TNFRSF1B: variants seen among roughly 807,000 people sequenced by gnomAD.
TNFRSF1B encodes the protein tumor necrosis factor receptor superfamily member 1B.
A neutral mutation model predicts 44.6 loss-of-function variants in TNFRSF1B; 19 were observed. The observed-to-expected ratio is 0.43, with a 90% confidence interval of 0.30 to 0.62. TNFRSF1B has a LOEUF of 0.62. TNFRSF1B is among the 20% of genes least tolerant of loss of function. TNFRSF1B has a pLI of 0.16. For missense variants in TNFRSF1B, 541 were observed against 619.9 expected, an observed-to-expected ratio of 0.87 and a Z score of 1.35; for synonymous variants, 252 against 261.1, an observed-to-expected ratio of 0.97 and a Z score of 0.34.
rs566171397 is a variant in TNFRSF1B, at chr1:12,178,351, C to T, written c.79-10445C>T. ...CCACTGCCGGGCACGGTGCCAAGCA[C>T]GCCACGTATACTGACTTCATGAATC... On this transcript the variant is annotated intron_variant, in intron 1 of 9. Coordinates refer to ENST00000376259, the MANE Select transcript of TNFRSF1B (RefSeq NM_001066.3). This position sits in a 1 kb window ranked among gnomAD's most constrained non-coding sequence, Gnocchi z 4.3. Among the ~76,000 whole-genome samples the T allele has an allele frequency of 5.3e-5, 8 of 152,240 alleles. No homozygotes were observed. The highest frequency in any genetic ancestry group is 1.9e-4 in the East Asian group (1 of 5,188).
chr1:12,170,230 A>G (rs915467348), intron 1 of TNFRSF1B, among the ~76,000 whole-genome samples: 2 of 152,184 alleles, frequency 1.3e-5, no homozygotes, highest in Non-Finnish European at 2.9e-5. Flanking sequence ...GTCCAAGCCC[A>G]GCCCAGTGCC....
At position 12,208,565 on chromosome 1, in the gene TNFRSF1B, C is replaced by G. The variant is rs982177874; in HGVS notation, c.*1545C>G. On this transcript the variant is annotated 3_prime_UTR_variant, in exon 10 of 10. Transcript: ENST00000376259. ...GGCCAGGGCCCTGCAGAGGGGAAACCAGTGTAGCCTTGCCCGGATTCTGGG... is the reference window on the plus strand; with the variant it reads ...GGCCAGGGCCCTGCAGAGGGGAAACGAGTGTAGCCTTGCCCGGATTCTGGG... 5.9e-5 allele frequency: 9 copies of G among 152,368 alleles called. No homozygotes were observed. Among genetic ancestry groups the G allele is most frequent in the African/African-American group, 2.2e-4 (9 of 41,474 alleles). The allele number at this position is 152,368 out of a possible 1,614,324, so 9.4% of individuals were successfully genotyped here.
At chr1:12,174,771 T>C (rs1166799772) in intron 1 of TNFRSF1B, among the ~76,000 whole-genome samples, 1 of 152,206 alleles carries the variant, frequency 6.6e-6, no homozygotes, top group Non-Finnish European at 1.5e-5. Flanking sequence ...CATGTTCTGC[T>C]GGGAAAACAG....
chr1:12,171,367 C>G lies in TNFRSF1B; in HGVS notation c.78+4198C>G, dbSNP rs1042846977. Among the ~76,000 whole-genome samples the G allele has an allele frequency of 9.2e-5, 14 of 152,174 alleles. No individual in the cohort carries two copies. Among genetic ancestry groups the G allele is most frequent in the Non-Finnish European group, 2.1e-4 (14 of 68,020 alleles). ...TGTCCTCAGATGTGCTGCACACACA[C>G]CTGCTCCAGGGCCTTTGCACTTGCT... is the stretch of plus-strand genomic sequence containing the variant. On this transcript the variant is annotated intron_variant, in intron 1 of 9. Coordinates refer to ENST00000376259, the MANE Select transcript of TNFRSF1B (RefSeq NM_001066.3). The surrounding 1 kb of genome is among the most constrained non-coding windows in gnomAD (Gnocchi z 4.5).
At chr1:12,181,354 C>T (rs748329167) in intron 1 of TNFRSF1B, among the ~76,000 whole-genome samples, 1 of 152,148 alleles carries the variant, frequency 6.6e-6, no homozygotes, top group Admixed American at 6.5e-5. Context: ...CTTGCAGCGC[C>T]CCCATGGAGC....
At chr1:12,182,173 T>C (rs1476308935) in intron 1 of TNFRSF1B, among the ~76,000 whole-genome samples, 1 of 152,116 alleles carries the variant, frequency 6.6e-6, no homozygotes, top group Non-Finnish European at 1.5e-5. Context: ...ATCTGTAACT[T>C]GGGAATAACA....
rs5745969 is a variant in TNFRSF1B at position 12,175,374 on chromosome 1, A to G, written c.78+8205A>G. 7.0e-3 allele frequency among the ~76,000 whole-genome samples: 1,064 copies of G among 152,276 alleles called. 2 individuals are homozygous for G. Among genetic ancestry groups the G allele is most frequent in the Middle Eastern group, 0.014 (4 of 294 alleles). On this transcript the variant is annotated intron_variant, in intron 1 of 9. Coordinates refer to ENST00000376259, the MANE Select transcript of TNFRSF1B (RefSeq NM_001066.3). ...GTGAGTGGCTTTGGGCAGGGGGTGGAGTGCAGATTGCACTGCCACGTCACC... is the reference window on the plus strand; with the variant it reads ...GTGAGTGGCTTTGGGCAGGGGGTGGGGTGCAGATTGCACTGCCACGTCACC...
At chr1:12,206,239 G>A (rs1037383795) in intron 9 of TNFRSF1B, among the ~76,000 whole-genome samples, 1 of 152,068 alleles carries the variant, frequency 6.6e-6, no homozygotes, top group Middle Eastern at 3.4e-3. Flanking sequence ...AATTAGCAGG[G>A]TGCGGTGGCC....
chr1:12,200,619 C>T (rs184085130), intron 8 of TNFRSF1B, among the ~76,000 whole-genome samples: 3 of 152,122 alleles, frequency 2.0e-5, no homozygotes, highest in East Asian at 1.9e-4. Context: ...TTCCATGTGC[C>T]GCAAATTATT....
chr1:12,193,909 T>G, intron 6 of TNFRSF1B, 46 bp from the exon 7 acceptor site: 1 of 1,546,490 alleles, frequency 6.5e-7, no homozygotes. Flanking sequence ...CCTGGTACAT[T>G]TGAGTTTGTT....
Position 12,187,944 on chromosome 1 carries a change from TGGGGGAGCGGTGCCCTGCTGGCAGCA to T in TNFRSF1B, c.79-847_79-822del, listed in dbSNP as rs1028422343. 7.2e-5 allele frequency among the ~76,000 whole-genome samples: 11 copies of T among 152,036 alleles called. No individual in the cohort carries two copies. The highest frequency in any genetic ancestry group is 1.6e-4 in the Non-Finnish European group (11 of 67,980). ...ATTATCAGCCAACACCCACAGCAGC[TGGGGGAGCGGTGCCCTGCTGGCAGCA>T]GGGGTCTGAGTGGGGTGCAACAGCA... On this transcript the variant is annotated intron_variant, in intron 1 of 9. Transcript: ENST00000376259. This position sits in a 1 kb window ranked among gnomAD's most constrained non-coding sequence, Gnocchi z 5.5.
rs1395806547 is a variant in TNFRSF1B, at chr1:12,207,221, C to T, written c.*201C>T. On this transcript the variant is annotated 3_prime_UTR_variant, in exon 10 of 10. Transcript: ENST00000376259. The stretch of plus-strand genomic sequence containing the variant: ...GCAGAGGCAGCGAGTTGTGGAAAGC[C>T]TCTGCTGCCATGGCGTGTCCCTCTC... 27 of 504,480 alleles carry T rather than the reference C, an allele frequency of 5.4e-5. No individual in the cohort carries two copies. The allele number at this position is 504,480 out of a possible 1,614,324, so 31.3% of individuals were successfully genotyped here.
In TNFRSF1B at chr1:12,191,612, G is replaced by A. The variant is rs190891173; in HGVS notation, c.308-162G>A. The A allele has an allele frequency of 2.1e-3, 1,681 of 789,810 alleles. 24 individuals are homozygous for A. The African/African-American group carries it at 0.024, about 11-fold the overall frequency. 48.9% of individuals were successfully genotyped at this position (789,810 alleles called of 1,614,324 possible). A position where few individuals can be genotyped will look rare whatever the true frequency, so the allele number is the denominator to read the frequency against. On this transcript the variant is annotated intron_variant, in intron 3 of 9. Transcript: ENST00000376259. ...GACTGCGGAGAGTAGCAGGACTGCC[G>A]GTCCTGCCCCTGGACTCTGGCCGGT... is the stretch of plus-strand genomic sequence containing the variant.
chr1:12,172,312 C>T (rs963457524), intron 1 of TNFRSF1B, among the ~76,000 whole-genome samples: 1 of 152,270 alleles, frequency 6.6e-6, no homozygotes, highest in African/African-American at 2.4e-5. Context: ...AGTCGCTGCT[C>T]TGCTGTTTTA....
rs750715841 is a variant in TNFRSF1B, at chr1:12,178,280, G to A, written c.79-10516G>A. Among the ~76,000 whole-genome samples the A allele has an allele frequency of 1.1e-4, 17 of 152,250 alleles. No homozygotes were observed. The highest frequency in any genetic ancestry group is 2.0e-4 in the Admixed American group (3 of 15,288). ...CAGCTGTGGGCTGTGTGCTGGCTGT[G>A]TGTAGGGTGATGAGTAGCAGAAGCA... On this transcript the variant is annotated intron_variant, in intron 1 of 9. Coordinates refer to ENST00000376259, the MANE Select transcript of TNFRSF1B (RefSeq NM_001066.3). The surrounding 1 kb of genome is among the most constrained non-coding windows in gnomAD (Gnocchi z 4.3).
chr1:12,169,129 C>T lies in TNFRSF1B; in HGVS notation c.78+1960C>T, dbSNP rs1638465545. ...CTCCAGGAAAGCCTTTCCGCATTCT[C>T]AGTTGGATTTGATCTTCTCTTCGAA... On this transcript the variant is annotated intron_variant, in intron 1 of 9. Coordinates refer to ENST00000376259, the MANE Select transcript of TNFRSF1B (RefSeq NM_001066.3). This position sits in a 1 kb window ranked among gnomAD's most constrained non-coding sequence, Gnocchi z 4.5. Among the ~76,000 whole-genome samples, 1 of 152,216 alleles carries T rather than the reference C, an allele frequency of 6.6e-6. No individual in the cohort carries two copies. The highest frequency in any genetic ancestry group is 2.1e-4 in the South Asian group (1 of 4,834).
intron 2 of TNFRSF1B, among the ~76,000 whole-genome samples, chr1:12,190,531 C>T (rs1639090758): frequency 6.6e-6 from 1 of 151,308 alleles, no homozygotes; most frequent in South Asian, 2.1e-4. Context: ...GTTCTCTGTC[C>T]CTGGAATGCC....
At chr1:12,184,972 TGTCTGGGAGGCC>T (rs1557630122) in intron 1 of TNFRSF1B, among the ~76,000 whole-genome samples, 1 of 151,964 alleles carries the variant, frequency 6.6e-6, no homozygotes, top group Non-Finnish European at 1.5e-5. Context: ...GAGGCAGCTG[TGTCTGGGAGGCC>T]GTTCGGTCGG....
At chr1:12,185,558 C>T (rs932739928) in intron 1 of TNFRSF1B, among the ~76,000 whole-genome samples, 8 of 152,230 alleles carry the variant, frequency 5.3e-5, no homozygotes, top group Admixed American at 3.9e-4. Flanking sequence ...GTGGCAGCAC[C>T]GTGTCCAGGC....
Sources: gnomAD v4.1 joint callset for allele counts (sites outside exome capture counted in the v4.1 genomes callset) on GRCh38, gnomAD v4.1.1 for gene constraint, Gnocchi (gnomAD v3.1) non-coding constraint, MANE v1.5 for transcripts, NCBI Gene and HGNC (gene_info 2026-07-23, HGNC 2026-07-21) for gene names.